MTMR8: variants seen among roughly 807,000 people sequenced by gnomAD.
MTMR8 encodes the protein phosphatidylinositol-3,5-bisphosphate 3-phosphatase MTMR8.
Under a neutral mutation model 39.3 loss-of-function variants are expected in MTMR8, and 65 were observed. The observed-to-expected ratio is 1.65, with a 90% CI of 1.35 to 2.03. MTMR8 has a LOEUF of 2.03. MTMR8 is among the 30% of genes most tolerant of loss of function. The probability of loss-of-function intolerance (pLI) is 0.00; values close to 1 mark genes in which losing one functional copy is unlikely to be tolerated. For missense variants in MTMR8, 777 were observed against 538.9 expected (o/e 1.44, Z -4.37); for synonymous variants, 245 against 185.2 (o/e 1.32, Z -2.62).
chrX:64,376,183 C>T (rs1187394170), intron 1 of MTMR8, among the ~76,000 whole-genome samples: 1 of 111,921 alleles, frequency 8.9e-6, no homozygotes, highest in East Asian at 2.8e-4. Flanking sequence ...CAGACTAATA[C>T]AGAAAATTGG....
chrX:64,364,607 C>T lies in MTMR8; in HGVS notation c.25-5080G>A, dbSNP rs141529394. ...CGTCCACACCAAAATCCCATCTGTA[C>T]GTAACCAGCATCAAAGACCAAAGGT... On this transcript the variant is annotated intron_variant, in intron 1 of 13. Transcript: ENST00000374852. 1.1e-3 allele frequency among the ~76,000 whole-genome samples: 126 copies of T among 111,623 alleles called. 1 individual carries two copies. Among genetic ancestry groups the T allele is most frequent in the African/African-American group, 4.1e-3 (125 of 30,714 alleles).
chrX:64,330,941 A>G (rs1210212632), intron 11 of MTMR8, among the ~76,000 whole-genome samples: 2 of 111,766 alleles, frequency 1.8e-5, no homozygotes, highest in Admixed American at 9.5e-5. Context: ...GAATGACACA[A>G]TGGACTTTGG....
chrX:64,295,674 G>T (rs976474612), intron 12 of MTMR8, among the ~76,000 whole-genome samples: 1 of 111,607 alleles, frequency 9.0e-6, no homozygotes, highest in Non-Finnish European at 1.9e-5. Flanking sequence ...CTCCAAAGAA[G>T]ATATACAAAT....
chrX:64,345,853 A>T (rs1303488864), intron 6 of MTMR8, among the ~76,000 whole-genome samples: 1 of 112,324 alleles, frequency 8.9e-6, no homozygotes, highest in Admixed American at 9.4e-5. Context: ...TCTTGGACTC[A>T]TGTAATCCTC....
At chrX:64,323,512 C>G (rs936908886) in intron 12 of MTMR8, among the ~76,000 whole-genome samples, 7 of 111,523 alleles carry the variant, frequency 6.3e-5, no homozygotes, top group Non-Finnish European at 9.4e-5. Flanking sequence ...ATCATCCAGA[C>G]AGAAAATAAA....
chrX:64,314,104 C>T (rs111867507), intron 12 of MTMR8, among the ~76,000 whole-genome samples: 8,981 of 112,231 alleles, frequency 0.08, 931 homozygotes, highest in African/African-American at 0.28. Context: ...GCTATCAAGC[C>T]TCTGCTTTGT....
intron 9 of MTMR8, among the ~76,000 whole-genome samples, 190 bp from the exon 10 acceptor site, chrX:64,336,318 A>G (rs1923071854): frequency 9.0e-6 from 1 of 111,304 alleles, no homozygotes. Flanking sequence ...TTCAAATTTC[A>G]GATGCTCTCA....
chrX:64,328,061 C>G (rs1476366072), intron 12 of MTMR8, among the ~76,000 whole-genome samples: 3 of 111,486 alleles, frequency 2.7e-5, no homozygotes, highest in African/African-American at 9.8e-5. Flanking sequence ...ACATCCTAAA[C>G]ATGAAAAAGG....
Position 64,381,446 on chromosome X carries a change from G to T in MTMR8, c.24+13894C>A, listed in dbSNP as rs1473126155. 2.8e-3 allele frequency among the ~76,000 whole-genome samples: 257 copies of T among 91,709 alleles called. 1 individual carries two copies. The highest frequency in any genetic ancestry group is 5.8e-3 in the Middle Eastern group (1 of 172). 79.6% of individuals were successfully genotyped at this position (91,709 alleles called of 115,157 possible). A position where few individuals can be genotyped will look rare whatever the true frequency, so the allele number is the denominator to read the frequency against. On this transcript the variant is annotated intron_variant, in intron 1 of 13. Transcript: ENST00000374852. ...CCTTCGCCTACTTTTCGATGGGGTTGTTTTTTTTTTTTTTTTCTTGTAAAT... is the reference window on the plus strand; with the variant it reads ...CCTTCGCCTACTTTTCGATGGGGTTTTTTTTTTTTTTTTTTTCTTGTAAAT...
At chrX:64,319,762 T>C (rs1922578934) in intron 12 of MTMR8, among the ~76,000 whole-genome samples, 2 of 111,315 alleles carry the variant, frequency 1.8e-5, no homozygotes, top group African/African-American at 6.6e-5. Flanking sequence ...CATTGGTCTA[T>C]ATCTCTGTTT....
chrX:64,288,931 T>C (rs1013970759), intron 12 of MTMR8, among the ~76,000 whole-genome samples: 19 of 110,240 alleles, frequency 1.7e-4, no homozygotes, highest in African/African-American at 5.9e-4. Flanking sequence ...GAAGAGTTAA[T>C]GGTTGCAGCT....
chrX:64,299,322 C>A (rs1276513782), intron 12 of MTMR8, among the ~76,000 whole-genome samples: 1 of 83,935 alleles, frequency 1.2e-5, no homozygotes, highest in East Asian at 4.0e-4. Context: ...GTGTATGTGT[C>A]GAGGAATGTA....
In MTMR8 at chrX:64,336,089, A is replaced by G. The variant is rs759393547; in HGVS notation, c.1141T>C (p.Phe381Leu). ...TGAGTATATTTTTACCTTTGGGAAA[A>G]CTTGTGGCCCATGGATATCCATTCC... The part of the protein sequence containing the change: ...EKEWISMGHK[F>L]SQRCGHLDGD... The change falls in exon 10 of 14, where the codon TTT (phenylalanine) becomes CTT (leucine). Residue 381 changes from phenylalanine (F) to leucine (L), a missense_variant. Physicochemically the swap from Phe to Leu is conservative, Grantham distance 22 (BLOSUM62 0). Transcript: ENST00000374852. 35 of 1,193,160 alleles carry G rather than the reference A, an allele frequency of 2.9e-5. No homozygotes were observed. The highest frequency in any genetic ancestry group is 7.1e-5 in the African/African-American group (4 of 56,479).
At chrX:64,364,044 C>T (rs1393001489) in intron 1 of MTMR8, among the ~76,000 whole-genome samples, 1 of 112,390 alleles carries the variant, frequency 8.9e-6, no homozygotes, top group African/African-American at 3.2e-5. Flanking sequence ...GGAGGGGTGT[C>T]CACCATTGCT....
intron 12 of MTMR8, among the ~76,000 whole-genome samples, chrX:64,289,636 CAAAAA>C (rs749879321): frequency 3.8e-5 from 1 of 26,425 alleles, no homozygotes. Context: ...GACTCCATCG[CAAAAA>C]AAAAAAAAAA....
chrX:64,284,759 C>T (rs920962523), intron 12 of MTMR8, among the ~76,000 whole-genome samples: 1 of 111,504 alleles, frequency 9.0e-6, no homozygotes, highest in Non-Finnish European at 1.9e-5. Flanking sequence ...AAATCCTTTA[C>T]AGACAAGCAA....
At chrX:64,274,902 G>C (rs1931837286) in intron 12 of MTMR8, among the ~76,000 whole-genome samples, 2 of 111,740 alleles carry the variant, frequency 1.8e-5, no homozygotes, top group African/African-American at 3.2e-5. Context: ...CAGAGGCTGA[G>C]ATAGGAGAGA....
chrX:64,325,173 G>A (rs763465090), intron 12 of MTMR8, among the ~76,000 whole-genome samples: 25 of 111,679 alleles, frequency 2.2e-4, no homozygotes, highest in East Asian at 8.4e-4. Flanking sequence ...TAAAAATCTC[G>A]CATCAAAGAA....
chrX:64,354,260 C>A (rs781125611), intron 4 of MTMR8, among the ~76,000 whole-genome samples: 1 of 107,729 alleles, frequency 9.3e-6, no homozygotes, highest in African/African-American at 3.4e-5. Flanking sequence ...TATTCAGTAG[C>A]AAAACAGGAC....
Sources: allele counts gnomAD v4.1 joint callset (sites outside exome capture counted in the v4.1 genomes callset), GRCh38; gene constraint gnomAD v4.1.1; transcripts MANE v1.5; gene names NCBI Gene and HGNC (gene_info 2026-07-23, HGNC 2026-07-21).